POU2F1: variants seen among roughly 807,000 people sequenced by gnomAD.
POU2F1 encodes POU domain, class 2, transcription factor 1.
In POU2F1, 16 loss-of-function variants were observed where a neutral mutation model predicts 84.9. The observed-to-expected ratio is 0.19, with a 90% CI of 0.13 to 0.29. The LOEUF is 0.29. Ranked by LOEUF, POU2F1 falls within the 10% of genes least tolerant of loss-of-function variation. POU2F1 has a pLI of 1.00. For synonymous variants in POU2F1, 368 were observed against 368.3 expected, an observed-to-expected ratio of 1.00 and a Z score of 0.01; for missense variants, 738 against 942.6, an observed-to-expected ratio of 0.78 and a Z score of 2.84.
At chr1:167,299,040 G>A (rs1306024061) in intron 1 of POU2F1, among the ~76,000 whole-genome samples, 1 of 151,942 alleles carries the variant, frequency 6.6e-6, no homozygotes, top group East Asian at 1.9e-4. Flanking sequence ...GCAGGTGCCT[G>A]TAATCCCAGC....
At chr1:167,356,728 AG>A (rs1353338851) in intron 2 of POU2F1, among the ~76,000 whole-genome samples, 1 of 152,230 alleles carries the variant, frequency 6.6e-6, no homozygotes, top group East Asian at 1.9e-4. Flanking sequence ...CAGGAAAGAA[AG>A]GAAAGTACAC....
At chr1:167,393,092 A>G (rs914511949) in intron 9 of POU2F1, among the ~76,000 whole-genome samples, 2 of 152,206 alleles carry the variant, frequency 1.3e-5, no homozygotes, top group African/African-American at 4.8e-5. Flanking sequence ...TGGTACATTC[A>G]TTATTTCCCA....
chr1:167,377,562 G>T (rs537247267), intron 7 of POU2F1, among the ~76,000 whole-genome samples: 3 of 152,300 alleles, frequency 2.0e-5, no homozygotes, highest in Admixed American at 2.0e-4. Flanking sequence ...ACTCCAGCCT[G>T]GGTGACAGAG....
intron 2 of POU2F1, among the ~76,000 whole-genome samples, chr1:167,340,431 CTTTTT>C (rs761386225): frequency 1.6e-5 from 2 of 122,320 alleles, no homozygotes; most frequent in Non-Finnish European, 1.7e-5. Flanking sequence ...TTCTTTTTTT[CTTTTT>C]TTTTTTTTTT....
chr1:167,322,019 C>T (rs1021824519), intron 1 of POU2F1, among the ~76,000 whole-genome samples: 1 of 152,192 alleles, frequency 6.6e-6, no homozygotes, highest in Non-Finnish European at 1.5e-5. Context: ...AGAGGCTTTA[C>T]CAACTCCAAC....
rs1052412738 is a variant in POU2F1, at chr1:167,406,545, C to T, written c.1555+4989C>T. Among the ~76,000 whole-genome samples, 7 of 151,864 alleles carry T rather than the reference C, an allele frequency of 4.6e-5. No individual in the cohort carries two copies. In the East Asian group the frequency reaches 9.6e-4, roughly 21 times the overall value. ...CCTCCAGTAAGGGGGAGAAAAAAAACGGAAGACAATTTGGAAAGGAAGAAG... is the reference window on the plus strand; with the variant it reads ...CCTCCAGTAAGGGGGAGAAAAAAAATGGAAGACAATTTGGAAAGGAAGAAG... On this transcript the variant is annotated intron_variant, in intron 13 of 15. Coordinates refer to ENST00000367866, the MANE Select transcript of POU2F1 (RefSeq NM_002697.4).
intron 9 of POU2F1, among the ~76,000 whole-genome samples, chr1:167,391,165 C>T (rs1648370714): frequency 6.6e-6 from 1 of 152,150 alleles, no homozygotes; most frequent in African/African-American, 2.4e-5. Context: ...GTCTTGAACT[C>T]TTGGCCTCAA....
intron 6 of POU2F1, 61 bp from the exon 7 acceptor site, chr1:167,375,968 T>G: frequency 6.3e-7 from 1 of 1,593,278 alleles, no homozygotes; most frequent in Admixed American, 1.7e-5. Flanking sequence ...CTGGAAGCCT[T>G]ATAATTAAGC....
At chr1:167,269,386 A>T (rs570560240) in intron 1 of POU2F1, among the ~76,000 whole-genome samples, 8 of 152,286 alleles carry the variant, frequency 5.3e-5, no homozygotes, top group African/African-American at 1.7e-4. Context: ...AGTCTATTGA[A>T]ATAGAGACCT....
chr1:167,351,620 A>G lies in POU2F1; in HGVS notation c.128-13847A>G, dbSNP rs370900897. Among the ~76,000 whole-genome samples the G allele has an allele frequency of 3.3e-5, 5 of 151,826 alleles. No homozygotes were observed. The East Asian group carries it at 7.7e-4, about 23-fold the overall frequency. ...GATTAAACGTCCTAAGGAAAACTAG[A>G]TTTTATAGGAGTTAAGATTTTGGAA... is the stretch of plus-strand genomic sequence containing the variant. On this transcript the variant is annotated intron_variant, in intron 2 of 15. Coordinates refer to ENST00000367866, the MANE Select transcript of POU2F1 (RefSeq NM_002697.4).
intron 13 of POU2F1, among the ~76,000 whole-genome samples, chr1:167,408,164 G>A (rs544939571): frequency 3.3e-5 from 5 of 152,256 alleles, no homozygotes; most frequent in African/African-American, 1.2e-4. Flanking sequence ...GGGAAGTGCA[G>A]ATTAAAACTG....
At chr1:167,363,962 G>A (rs1035430330) in intron 2 of POU2F1, among the ~76,000 whole-genome samples, 1 of 152,186 alleles carries the variant, frequency 6.6e-6, no homozygotes, top group Non-Finnish European at 1.5e-5. Flanking sequence ...GTTTGCTCTG[G>A]ATGTGTGTGC....
At chr1:167,234,794 A>T (rs796466835) in intron 1 of POU2F1, among the ~76,000 whole-genome samples, 3 of 152,340 alleles carry the variant, frequency 2.0e-5, no homozygotes, top group African/African-American at 4.8e-5. Context: ...GATAATTTTC[A>T]TCTGGAGCAG....
intron 5 of POU2F1, among the ~76,000 whole-genome samples, chr1:167,372,437 A>AT (rs1660070708): frequency 6.6e-6 from 1 of 152,122 alleles, no homozygotes; most frequent in African/African-American, 2.4e-5. Context: ...AAAGAAAAAC[A>AT]TTTTTCTTTA....
At chr1:167,286,520 G>T (rs1392430649) in intron 1 of POU2F1, among the ~76,000 whole-genome samples, 1 of 152,198 alleles carries the variant, frequency 6.6e-6, no homozygotes, top group Non-Finnish European at 1.5e-5. Context: ...TTATAGCGAA[G>T]TTAAGCAGTC....
intron 13 of POU2F1, among the ~76,000 whole-genome samples, chr1:167,407,552 A>G (rs969577754): frequency 5.3e-5 from 8 of 152,360 alleles, no homozygotes; most frequent in Admixed American, 3.9e-4. Flanking sequence ...ATATAGATAT[A>G]TAGATTAAAT....
rs1241128912 is a variant in POU2F1 at position 167,423,966 on chromosome 1, A to G, written c.*8156A>G. 1 of 152,268 alleles carries G rather than the reference A, an allele frequency of 6.6e-6. No individual in the cohort carries two copies. The highest frequency in any genetic ancestry group is 1.5e-5 in the Non-Finnish European group (1 of 68,054). 9.4% of individuals were successfully genotyped at this position (152,268 alleles called of 1,614,324 possible). ...CTTTCAAATGAAAAAGGACAGAGCCAAGTAGAGAAAAGACTTTGTGCTCCC... is the reference window on the plus strand; with the variant it reads ...CTTTCAAATGAAAAAGGACAGAGCCGAGTAGAGAAAAGACTTTGTGCTCCC... On this transcript the variant is annotated 3_prime_UTR_variant, in exon 16 of 16. Coordinates refer to ENST00000367866, the MANE Select transcript of POU2F1 (RefSeq NM_002697.4).
At chr1:167,407,876 C>T (rs1183083397) in intron 13 of POU2F1, among the ~76,000 whole-genome samples, 4 of 151,912 alleles carry the variant, frequency 2.6e-5, no homozygotes, top group African/African-American at 9.7e-5. Context: ...ACCAAGAGAA[C>T]GATCCATAAA....
At chr1:167,372,705 T>C (rs1009885693) in intron 5 of POU2F1, among the ~76,000 whole-genome samples, 7 of 152,224 alleles carry the variant, frequency 4.6e-5, no homozygotes, top group Non-Finnish European at 1.0e-4. Flanking sequence ...GCTGAGACGT[T>C]CTGTCATTTA....
Sources: allele counts gnomAD v4.1 joint callset (sites outside exome capture counted in the v4.1 genomes callset), GRCh38; gene constraint gnomAD v4.1.1; transcripts MANE v1.5; gene names NCBI Gene and HGNC (gene_info 2026-07-23, HGNC 2026-07-21).